Variants in MCPH1 observed in about 807,000 individuals in gnomAD.
The protein encoded by MCPH1 is microcephalin 1, also known as microcephalin.
Under a neutral mutation model 84.5 loss-of-function variants are expected in MCPH1, and 104 were observed. The ratio of observed to expected loss-of-function variants is 1.23; its 90% CI spans 1.05 to 1.45. The LOEUF is 1.45. MCPH1 is among the 40% of genes most tolerant of loss of function. The pLI is 0.00. For missense variants in MCPH1, 1,498 were observed against 1,005.7 expected, an observed-to-expected ratio of 1.49 and a Z score of -6.62; for synonymous variants, 514 against 366.8, an observed-to-expected ratio of 1.40 and a Z score of -4.58.
intron 12 of MCPH1, among the ~76,000 whole-genome samples, chr8:6,612,619 C>T (rs1563188889): frequency 1.3e-5 from 2 of 152,242 alleles, no homozygotes; most frequent in African/African-American, 2.4e-5. Flanking sequence ...GGGCCTGCTC[C>T]GGCTCTCTCT....
intron 12 of MCPH1, among the ~76,000 whole-genome samples, chr8:6,507,358 G>C (rs1228005123): frequency 6.6e-6 from 1 of 152,104 alleles, no homozygotes; most frequent in Non-Finnish European, 1.5e-5. Context: ...ATGTTCTCTA[G>C]AAATTAAACC....
Position 6,524,223 on chromosome 8 carries a change from G to A in MCPH1, c.2214+24294G>A, listed in dbSNP as rs556551965. ...CCTTTTTTGAGTCCCGTATAAGTCA[G>A]CTGTCTTATTTAATAATGAAATATG... On this transcript the variant is annotated intron_variant, in intron 12 of 13. Coordinates refer to ENST00000344683, the MANE Select transcript of MCPH1 (RefSeq NM_024596.5). 9.2e-5 allele frequency among the ~76,000 whole-genome samples: 14 copies of A among 152,220 alleles called. 1 individual carries two copies. The highest frequency in any genetic ancestry group is 3.1e-4 in the African/African-American group (13 of 41,528).
intron 8 of MCPH1, 98 bp downstream of exon 8, chr8:6,445,645 C>G: frequency 6.8e-7 from 1 of 1,478,938 alleles, no homozygotes; most frequent in South Asian, 1.5e-5. Flanking sequence ...AACTTATTTC[C>G]CCATTTACTC....
In MCPH1 at chr8:6,646,280, G is replaced by C. The variant is rs1798212675; in HGVS notation, c.*3231G>C. ...TCTCTACTAGAAATACAAAAAATTA[G>C]CCAGGCATGATGGCACACACCTGTA... is the stretch of plus-strand genomic sequence containing the variant. On this transcript the variant is annotated 3_prime_UTR_variant, in exon 14 of 14. Coordinates refer to ENST00000344683, the MANE Select transcript of MCPH1 (RefSeq NM_024596.5). 1 of 152,122 alleles carries C rather than the reference G, an allele frequency of 6.6e-6. No homozygotes were observed. The allele number at this position is 152,122 out of a possible 1,614,324, so 9.4% of individuals were successfully genotyped here. A position where few individuals can be genotyped will look rare whatever the true frequency, so the allele number is the denominator to read the frequency against.
At chr8:6,415,860 G>C (rs1799209352) in intron 3 of MCPH1, among the ~76,000 whole-genome samples, 1 of 152,136 alleles carries the variant, frequency 6.6e-6, no homozygotes, top group Non-Finnish European at 1.5e-5. Context: ...AAAAAAGGCA[G>C]CTGGGATTTG....
chr8:6,440,242 GT>G (rs996255105), intron 6 of MCPH1, among the ~76,000 whole-genome samples: 13 of 152,032 alleles, frequency 8.6e-5, no homozygotes, highest in African/African-American at 3.1e-4. Flanking sequence ...GGTTGTTCTT[GT>G]TTTTTTGTTA....
At chr8:6,561,706 A>G (rs1284439372) in intron 12 of MCPH1, among the ~76,000 whole-genome samples, 1 of 152,256 alleles carries the variant, frequency 6.6e-6, no homozygotes, top group African/African-American at 2.4e-5. Flanking sequence ...CTTCCTTTAG[A>G]ATATATATAG....
chr8:6,628,427 G>A (rs1209879044), intron 13 of MCPH1, among the ~76,000 whole-genome samples: 3 of 127,960 alleles, frequency 2.3e-5, no homozygotes, highest in East Asian at 2.3e-4. Context: ...CCGAGATCAC[G>A]CCACTGCACT....
intron 12 of MCPH1, among the ~76,000 whole-genome samples, chr8:6,543,098 C>G (rs750731752): frequency 6.6e-6 from 1 of 151,994 alleles, no homozygotes; most frequent in African/African-American, 2.4e-5. Flanking sequence ...CAGAAACCCC[C>G]GCAACTCCAC....
At chr8:6,631,239 C>G (rs1797136720) in intron 13 of MCPH1, among the ~76,000 whole-genome samples, 1 of 152,194 alleles carries the variant, frequency 6.6e-6, no homozygotes, top group African/African-American at 2.4e-5. Flanking sequence ...TCATCTCCAT[C>G]TCACATAACA....
chr8:6,534,775 AGT>A (rs1404069387), intron 12 of MCPH1, among the ~76,000 whole-genome samples: 1 of 152,178 alleles, frequency 6.6e-6, no homozygotes, highest in Non-Finnish European at 1.5e-5. Flanking sequence ...CAGGCTTTTT[AGT>A]GTGTGTGATC....
chr8:6,428,069 A>G (rs1189487283), intron 3 of MCPH1, among the ~76,000 whole-genome samples: 1 of 151,946 alleles, frequency 6.6e-6, no homozygotes, highest in South Asian at 2.1e-4. Flanking sequence ...GGTGTGAGCC[A>G]CCACGCCTCG....
intron 9 of MCPH1, among the ~76,000 whole-genome samples, chr8:6,456,897 G>C (rs1805740254): frequency 6.6e-6 from 1 of 152,092 alleles, no homozygotes. Context: ...CGGGAGTGTG[G>C]CCCCTTCTTC....
chr8:6,477,562 G>C, intron 9 of MCPH1, 32 bp from the exon 10 acceptor site: 1 of 1,604,110 alleles, frequency 6.2e-7, no homozygotes, highest in Non-Finnish European at 8.5e-7. Flanking sequence ...GTTTTTGACT[G>C]TTTTTTGTTC....
chr8:6,634,169 C>T (rs930284853), intron 13 of MCPH1, among the ~76,000 whole-genome samples: 3 of 152,194 alleles, frequency 2.0e-5, no homozygotes, highest in African/African-American at 7.2e-5. Flanking sequence ...ACCCGTGCCA[C>T]TCAGTGGTAG....
chr8:6,623,890 AG>A (rs1563206648), intron 13 of MCPH1, among the ~76,000 whole-genome samples: 1 of 152,134 alleles, frequency 6.6e-6, no homozygotes. Flanking sequence ...TGGGCCTGAA[AG>A]CATGTCTGGG....
chr8:6,477,508 A>G (rs1808629877), intron 9 of MCPH1, 86 bp from the exon 10 acceptor site: 1 of 1,286,928 alleles, frequency 7.8e-7, no homozygotes, highest in Non-Finnish European at 1.1e-6. Context: ...TAACTTTTCA[A>G]AAAACTTATT....
intron 2 of MCPH1, among the ~76,000 whole-genome samples, chr8:6,413,505 T>A (rs1001443931): frequency 2.0e-5 from 3 of 151,810 alleles, no homozygotes; most frequent in Non-Finnish European, 2.9e-5. Flanking sequence ...TGTGTATTCC[T>A]GTATTCTTTA....
chr8:6,486,987 AGAGT>A (rs1810008827), intron 11 of MCPH1, among the ~76,000 whole-genome samples: 1 of 152,222 alleles, frequency 6.6e-6, no homozygotes, highest in Non-Finnish European at 1.5e-5. Flanking sequence ...ACATACAAGC[AGAGT>A]GTCCTGTGAT....
Sources: gnomAD v4.1 joint callset for allele counts (sites outside exome capture counted in the v4.1 genomes callset) on GRCh38, gnomAD v4.1.1 for gene constraint, MANE v1.5 for transcripts, NCBI Gene and HGNC (gene_info 2026-07-23, HGNC 2026-07-21) for gene names.